MYH7B: variants seen among roughly 807,000 people sequenced by gnomAD.
MYH7B encodes myosin heavy chain 7B.
A neutral mutation model predicts 234.5 loss-of-function variants in MYH7B; 205 were observed. The observed-to-expected ratio is 0.87, with a 90% CI of 0.78 to 0.98. MYH7B has a LOEUF of 0.98. MYH7B is among the 50% of genes least tolerant of loss of function. The probability of loss-of-function intolerance (pLI) is 0.00; values close to 1 mark genes in which losing one functional copy is unlikely to be tolerated. For missense variants in MYH7B, 2,652 were observed against 2,633.4 expected (o/e 1.01, Z -0.15); for synonymous variants, 1,193 against 1,105.0 (o/e 1.08, Z -1.58).
Position 34,999,409 on chromosome 20 carries a change from G to A in MYH7B, c.4540+4G>A, listed in dbSNP as rs772394060. The A allele has an allele frequency of 6.6e-6, 10 of 1,509,884 alleles. No individual in the cohort carries two copies. Among genetic ancestry groups the A allele is most frequent in the Non-Finnish European group, 8.9e-6 (10 of 1,129,744 alleles). The allele number at this position is 1,509,884 out of a possible 1,614,324, so 93.5% of individuals were successfully genotyped here. A position where few individuals can be genotyped will look rare whatever the true frequency, so the allele number is the denominator to read the frequency against. On this transcript the variant is annotated splice_donor_region_variant and intron_variant, in intron 36 of 44. Transcript: ENST00000262873. ...CGGGAGAACAAGAACCTGCAGGGTA[G>A]GACCTGCCACACGCCAGGGCCAGGG...
intron 2 of MYH7B, among the ~76,000 whole-genome samples, chr20:34,964,558 C>T (rs777893723): frequency 4.6e-5 from 7 of 152,150 alleles, no homozygotes; most frequent in Admixed American, 3.9e-4. Context: ...GAGAGGCTAT[C>T]GTCCTGCTCT....
chr20:34,991,795 A>G (rs562597694), intron 24 of MYH7B, among the ~76,000 whole-genome samples: 5 of 152,312 alleles, frequency 3.3e-5, no homozygotes, highest in Admixed American at 3.3e-4. Flanking sequence ...CTTTGTAAAC[A>G]GAGGTTCACA....
chr20:34,995,558 A>G, exon 28 of MYH7B: 1 of 1,613,974 alleles, frequency 6.2e-7, no homozygotes, highest in Non-Finnish European at 8.5e-7. Flanking sequence ...TGAGAAGGAG[A>G]AGCAAGCCAC....
At chr20:34,998,740 G>A (rs748661441) in exon 35 of MYH7B, 16 of 1,611,938 alleles carry the variant, frequency 9.9e-6, no homozygotes, top group South Asian at 2.2e-5. Flanking sequence ...CCTGGCCCAC[G>A]CCGTGCAGGC....
chr20:34,974,783 A>G (rs1420918063), intron 2 of MYH7B, among the ~76,000 whole-genome samples: 1 of 152,208 alleles, frequency 6.6e-6, no homozygotes, highest in Non-Finnish European at 1.5e-5. Context: ...TTAAAATCCT[A>G]TTATCTATCA....
intron 3 of MYH7B, among the ~76,000 whole-genome samples, chr20:34,976,246 G>T (rs1316688591): frequency 1.3e-5 from 2 of 152,156 alleles, no homozygotes; most frequent in African/African-American, 4.8e-5. Context: ...TGCCTGTTTT[G>T]AATGTAGATG....
chr20:34,998,792 A>G (rs1330923837), exon 35 of MYH7B: 1 of 1,613,278 alleles, frequency 6.2e-7, no homozygotes, highest in Non-Finnish European at 8.5e-7. Flanking sequence ...CAACACGAGG[A>G]GGAGGCTGAG....
In MYH7B at chr20:34,987,800, C is replaced by T. The variant is rs2082059080; in HGVS notation, c.1302C>T (p.Thr434=). 6.2e-7 allele frequency: 1 copy of T among 1,614,178 alleles called. No homozygotes were observed. The highest frequency in any genetic ancestry group is 1.3e-5 in the African/African-American group (1 of 75,078). The change falls in exon 18 of 45, where the codon ACC becomes ACT. Residue 434 remains threonine, a synonymous_variant. Transcript: ENST00000262873. ...CTGTGGGGGCTCTGGCCAAGGCCAC[C>T]TATGACCGGCTGTTCAGGTGGCTGG...
At chr20:34,983,132 C>A (rs2081963312) in intron 10 of MYH7B, among the ~76,000 whole-genome samples, 1 of 152,102 alleles carries the variant, frequency 6.6e-6, no homozygotes, top group Non-Finnish European at 1.5e-5. Flanking sequence ...TGTGGCTACC[C>A]CTAGATGGGC....
chr20:34,997,505 GGAGGGCGCGGCGGAGCT>G lies in MYH7B; in HGVS notation c.3614_3630del (p.Glu1205GlyfsTer20), dbSNP rs777753887. On this transcript the variant is annotated frameshift_variant, in exon 32 of 45. Coordinates refer to ENST00000262873, the Ensembl canonical transcript of MYH7B. LOFTEE classifies it high-confidence loss of function. ...TGGCGGCACTGCGGCGCAAGCAGGC[GGAGGGCGCGGCGGAGCT>G]GGGGGAGCAGGTGGACAGCCTGCAG... 6.3e-7 allele frequency: 1 copy of G among 1,585,002 alleles called. No individual in the cohort carries two copies. Among genetic ancestry groups the G allele is most frequent in the Non-Finnish European group, 8.6e-7 (1 of 1,166,998 alleles).
exon 36 of MYH7B, chr20:34,999,117 T>G: frequency 6.2e-7 from 1 of 1,613,498 alleles, no homozygotes. Context: ...CAACGCCAAG[T>G]GCTCATCGTT....
rs1288995080 is a variant in MYH7B at position 34,982,666 on chromosome 20, C to A, written c.624+111C>A. On this transcript the variant is annotated intron_variant, in intron 10 of 44. Coordinates refer to ENST00000262873, the Ensembl canonical transcript of MYH7B. Reference sequence around the variant, plus strand: ...TTTTAAAAATTTTACTCCCCAGAACCCTGAGCCCTGCCTGAGCCTCCCACC... The same window carrying A: ...TTTTAAAAATTTTACTCCCCAGAACACTGAGCCCTGCCTGAGCCTCCCACC... The A allele has an allele frequency of 5.1e-5, 48 of 939,860 alleles. No individual in the cohort carries two copies. In the African/African-American group the frequency reaches 7.1e-4, roughly 14 times the overall value. The allele number at this position is 939,860 out of a possible 1,614,324, so 58.2% of individuals were successfully genotyped here. A position where few individuals can be genotyped will look rare whatever the true frequency, so the allele number is the denominator to read the frequency against.
exon 38 of MYH7B, chr20:34,999,906 G>A: frequency 6.2e-7 from 1 of 1,613,070 alleles, no homozygotes; most frequent in Non-Finnish European, 8.5e-7. Context: ...GCTAACCTGA[G>A]GTGTGTCCAT....
chr20:34,975,273 CGG>C, intron 2 of MYH7B, 125 bp from the exon 3 acceptor site: 1 of 448,502 alleles, frequency 2.2e-6, no homozygotes, highest in Admixed American at 3.9e-5. Context: ...GGTGTGATCT[CGG>C]CGCACTGTAA....
chr20:34,986,911 C>G, exon 15 of MYH7B: 2 of 1,614,138 alleles, frequency 1.2e-6, no homozygotes, highest in Middle Eastern at 3.3e-4. Context: ...CTATGAACCC[C>G]TATGACTACC....
At chr20:34,967,225 TC>T (rs1395406082) in intron 2 of MYH7B, among the ~76,000 whole-genome samples, 2 of 150,142 alleles carry the variant, frequency 1.3e-5, no homozygotes, top group Non-Finnish European at 1.5e-5. Flanking sequence ...CGAGACTCCA[TC>T]TAAAAAAAAA....
rs567901008 is a variant in MYH7B, at chr20:34,989,905, C to T, written c.1753C>T (p.His585Tyr). 6 of 1,614,122 alleles carry T rather than the reference C, an allele frequency of 3.7e-6. No individual in the cohort carries two copies. The Admixed American group carries it at 1.0e-4, about 27-fold the overall frequency. The change falls in exon 20 of 45, where the codon CAC becomes TAC. Residue 585 changes from histidine (H) to tyrosine (Y), a missense_variant. Coordinates refer to ENST00000262873, the Ensembl canonical transcript of MYH7B. ...GTACCAGGCCCACTTCGAGGTGGTC[C>T]ACTACGCAGGCGTGGTAGGTGCTTG...
chr20:34,978,667 C>T (rs941372523), intron 5 of MYH7B, among the ~76,000 whole-genome samples: 1 of 152,194 alleles, frequency 6.6e-6, no homozygotes, highest in South Asian at 2.1e-4. Flanking sequence ...CCTAGCTTCA[C>T]AGGGCGCCAG....
chr20:34,980,985 T>G, intron 8 of MYH7B, 48 bp from the exon 9 acceptor site: 1 of 1,612,052 alleles, frequency 6.2e-7, no homozygotes, highest in Non-Finnish European at 8.5e-7. Context: ...CACCTGTGGC[T>G]GGCCCCACAC....
Sources: allele counts gnomAD v4.1 joint callset (sites outside exome capture counted in the v4.1 genomes callset), GRCh38; gene constraint gnomAD v4.1.1; transcripts MANE v1.5; gene names NCBI Gene and HGNC (gene_info 2026-07-23, HGNC 2026-07-21).